XXYLT1: variants seen among roughly 807,000 people sequenced by gnomAD.
The protein encoded by XXYLT1 is xyloside xylosyltransferase 1.
Under a neutral mutation model 28.9 loss-of-function variants are expected in XXYLT1, and 20 were observed. The ratio of observed to expected loss-of-function variants is 0.69; its 90% CI spans 0.49 to 1.00. The LOEUF (loss-of-function observed/expected upper bound fraction) is 1.00. Ranked by LOEUF, XXYLT1 falls within the 50% of genes least tolerant of loss-of-function variation. The probability of loss-of-function intolerance (pLI) is 0.00; values close to 1 mark genes in which losing one functional copy is unlikely to be tolerated. For missense variants in XXYLT1, 542 were observed against 560.1 expected (o/e 0.97, Z 0.33); for synonymous variants, 257 against 253.8 (o/e 1.01, Z -0.12).
At chr3:195,170,801 G>A (rs73893250) in intron 2 of XXYLT1, among the ~76,000 whole-genome samples, 3,112 of 152,056 alleles carry the variant, frequency 0.02, 113 homozygotes, top group African/African-American at 0.069. Flanking sequence ...CTAGCACTTC[G>A]CGAGGCCAAG....
intron 3 of XXYLT1, among the ~76,000 whole-genome samples, chr3:195,111,500 C>T (rs1351893438): frequency 1.3e-5 from 2 of 152,048 alleles, no homozygotes; most frequent in Non-Finnish European, 2.9e-5. Context: ...TGGGCTGGGC[C>T]TGTGTGTATC....
chr3:195,149,222 C>T (rs1047206242), intron 3 of XXYLT1, among the ~76,000 whole-genome samples: 1 of 152,154 alleles, frequency 6.6e-6, no homozygotes, highest in Admixed American at 6.5e-5. Context: ...CACACACACA[C>T]CCCCTGATAA....
At chr3:195,104,275 G>C (rs983247084) in intron 3 of XXYLT1, among the ~76,000 whole-genome samples, 1 of 151,512 alleles carries the variant, frequency 6.6e-6, no homozygotes, top group African/African-American at 2.4e-5. Flanking sequence ...TGCCATGAGA[G>C]GAAAACGAGG....
intron 3 of XXYLT1, among the ~76,000 whole-genome samples, chr3:195,149,336 G>A (rs752458599): frequency 5.9e-5 from 9 of 152,152 alleles, no homozygotes; most frequent in African/African-American, 1.4e-4. Flanking sequence ...GTTTTCATCC[G>A]ATGGGGGGGC....
In XXYLT1 at chr3:195,271,131, A is replaced by G; in HGVS notation, c.-73T>C. On this transcript the variant is annotated 5_prime_UTR_variant, in exon 1 of 4. Transcript: ENST00000310380. ...CTCGGGTACCCGGACGCCGGCGGCC[A>G]CTTAGCCCCGGCGCCAGGCGGCGGC... is the stretch of plus-strand genomic sequence containing the variant. 5 of 1,266,282 alleles carry G rather than the reference A, an allele frequency of 3.9e-6. No individual in the cohort carries two copies. The highest frequency in any genetic ancestry group is 5.5e-5 in the South Asian group (2 of 36,514). 78.4% of individuals were successfully genotyped at this position (1,266,282 alleles called of 1,614,324 possible). A position where few individuals can be genotyped will look rare whatever the true frequency, so the allele number is the denominator to read the frequency against.
chr3:195,264,483 C>T (rs145895311), intron 1 of XXYLT1, among the ~76,000 whole-genome samples: 60 of 152,352 alleles, frequency 3.9e-4, no homozygotes, highest in East Asian at 3.3e-3. Flanking sequence ...CCTGGCCACC[C>T]GTGCACCACG....
At chr3:195,212,004 A>G (rs1222405692) in intron 2 of XXYLT1, among the ~76,000 whole-genome samples, 8 of 134,026 alleles carry the variant, frequency 6.0e-5, no homozygotes, top group African/African-American at 8.4e-5. Context: ...GAATGCCACC[A>G]GGAAGATCTG....
intron 1 of XXYLT1, among the ~76,000 whole-genome samples, chr3:195,235,597 A>G (rs2108814928): frequency 6.6e-6 from 1 of 152,230 alleles, no homozygotes; most frequent in South Asian, 2.1e-4. Flanking sequence ...GTGTCTGGCC[A>G]TTGAAGAGTT....
intron 1 of XXYLT1, among the ~76,000 whole-genome samples, chr3:195,233,305 TA>T (rs368758148): frequency 3.9e-5 from 6 of 152,056 alleles, no homozygotes; most frequent in African/African-American, 1.4e-4. Context: ...CATTGGGTCT[TA>T]AAAAAAATCT....
intron 2 of XXYLT1, among the ~76,000 whole-genome samples, chr3:195,191,908 T>A (rs73890716): frequency 0.051 from 7,810 of 152,276 alleles, 617 homozygotes; most frequent in African/African-American, 0.18. Context: ...TCAACAATTA[T>A]AGTTGGAGAT....
chr3:195,122,261 C>T, intron 3 of XXYLT1: 1 of 680,458 alleles, frequency 1.5e-6, no homozygotes, highest in African/African-American at 1.8e-5. Context: ...GATTTCAACA[C>T]ATGAATTTTG....
intron 2 of XXYLT1, among the ~76,000 whole-genome samples, chr3:195,164,209 T>C (rs1374624792): frequency 1.3e-5 from 2 of 152,208 alleles, no homozygotes; most frequent in Non-Finnish European, 2.9e-5. Context: ...AGAGATTAGG[T>C]GTTGCTACGG....
chr3:195,266,360 C>T (rs1577212570), intron 1 of XXYLT1, among the ~76,000 whole-genome samples: 1 of 151,798 alleles, frequency 6.6e-6, no homozygotes, highest in Non-Finnish European at 1.5e-5. Context: ...CTGGGTGTGG[C>T]GGTGGGTGCC....
At chr3:195,253,503 C>CTT (rs1231480044) in intron 1 of XXYLT1, among the ~76,000 whole-genome samples, 123 of 130,234 alleles carry the variant, frequency 9.4e-4, no homozygotes, top group East Asian at 2.4e-3. Flanking sequence ...CTTTTTTTTT[C>CTT]TTTTTTTTTT....
chr3:195,109,547 G>T (rs1387587377), intron 3 of XXYLT1, among the ~76,000 whole-genome samples: 2 of 142,086 alleles, frequency 1.4e-5, no homozygotes, highest in African/African-American at 5.3e-5. Flanking sequence ...ATGTGTAGGG[G>T]GTGTGTGTGT....
chr3:195,198,780 A>C (rs1722731829), intron 2 of XXYLT1, among the ~76,000 whole-genome samples: 1 of 152,196 alleles, frequency 6.6e-6, no homozygotes, highest in Non-Finnish European at 1.5e-5. Context: ...TCACAAGGTC[A>C]TGGCACCCGC....
chr3:195,110,985 A>G (rs1169777349), intron 3 of XXYLT1, among the ~76,000 whole-genome samples: 3 of 147,326 alleles, frequency 2.0e-5, no homozygotes, highest in Non-Finnish European at 3.0e-5. Context: ...TAGGGCTGCC[A>G]CGACAAAGTA....
chr3:195,264,899 T>TA (rs546095587), intron 1 of XXYLT1, among the ~76,000 whole-genome samples: 4 of 151,492 alleles, frequency 2.6e-5, no homozygotes, highest in East Asian at 1.9e-4. Context: ...ACAAAACAGT[T>TA]AAAAAAAATT....
At chr3:195,070,588 T>G (rs1048372804) in intron 3 of XXYLT1, among the ~76,000 whole-genome samples, 1 of 152,152 alleles carries the variant, frequency 6.6e-6, no homozygotes, top group African/African-American at 2.4e-5. Flanking sequence ...AGGTAGAACT[T>G]TCCACCCCCT....
Sources: allele counts gnomAD v4.1 joint callset (sites outside exome capture counted in the v4.1 genomes callset), GRCh38; gene constraint gnomAD v4.1.1; transcripts MANE v1.5; gene names NCBI Gene and HGNC (gene_info 2026-07-23, HGNC 2026-07-21).